The following NR5A1 variants were observed in gnomAD, a reference collection of about 807,000 sequenced individuals.
NR5A1 encodes steroidogenic factor 1.
Under a neutral mutation model 42.7 loss-of-function variants are expected in NR5A1, and 6 were observed. The observed-to-expected ratio is 0.14, with a 90% CI of 0.08 to 0.28. NR5A1 has a LOEUF of 0.28. Ranked by LOEUF, NR5A1 falls within the 10% of genes least tolerant of loss-of-function variation. NR5A1 has a pLI of 1.00. For missense variants in NR5A1, 442 were observed against 626.4 expected (o/e 0.71, Z 3.14); for synonymous variants, 274 against 277.5 (o/e 0.99, Z 0.12).
chr9:124,488,597 T>C (rs1276548242), intron 6 of NR5A1, among the ~76,000 whole-genome samples: 1 of 152,238 alleles, frequency 6.6e-6, no homozygotes, highest in African/African-American at 2.4e-5. Context: ...TGATTATGAT[T>C]AAAACAATTC....
In NR5A1 at chr9:124,503,488, T is replaced by A; in HGVS notation, c.-15-78A>T. The A allele has an allele frequency of 8.2e-7, 1 of 1,220,002 alleles. No individual in the cohort carries two copies. The highest frequency in any genetic ancestry group is 1.1e-6 in the Non-Finnish European group (1 of 881,296). 75.6% of individuals were successfully genotyped at this position (1,220,002 alleles called of 1,614,324 possible). On this transcript the variant is annotated intron_variant, in intron 1 of 6. Coordinates refer to ENST00000373588, the MANE Select transcript of NR5A1 (RefSeq NM_004959.5). The surrounding 1 kb of genome is among the most constrained non-coding windows in gnomAD (Gnocchi z 9.6). ...TCCCCGCGGCCGCCGCCCCAGCCGC[T>A]GTCGCCGGCCCGTCGCGTAATCCCC...
chr9:124,505,069 C>G (rs965609120), intron 1 of NR5A1, among the ~76,000 whole-genome samples: 5 of 152,004 alleles, frequency 3.3e-5, no homozygotes, highest in African/African-American at 1.2e-4. Context: ...GTCCTCCCCC[C>G]AAGCCCGGCC....
At chr9:124,492,065 C>T (rs1176265345) in intron 5 of NR5A1, among the ~76,000 whole-genome samples, 1 of 152,134 alleles carries the variant, frequency 6.6e-6, no homozygotes, top group Non-Finnish European at 1.5e-5. Context: ...GCCTGTGACA[C>T]CGAGGAGAGA....
chr9:124,486,529 G>A (rs1268900171), intron 6 of NR5A1, among the ~76,000 whole-genome samples: 1 of 152,204 alleles, frequency 6.6e-6, no homozygotes, highest in African/African-American at 2.4e-5. Flanking sequence ...TGGGATGCAT[G>A]TTCCTGTGGG....
chr9:124,495,619 C>T (rs962227146), intron 4 of NR5A1, among the ~76,000 whole-genome samples: 2 of 152,130 alleles, frequency 1.3e-5, no homozygotes, highest in African/African-American at 4.8e-5. Flanking sequence ...CCAGGCTTGT[C>T]CCCCCGCCCC....
rs887967487 is a variant in NR5A1 at position 124,501,699 on chromosome 9, G to A, written c.245-984C>T. ...CAACAGCCAGCTATCTGGCCCCTTG[G>A]GACCTGGCACTAGGGGCATGGGCTC... On this transcript the variant is annotated intron_variant, in intron 3 of 6. Transcript: ENST00000373588. The surrounding 1 kb of genome is among the most constrained non-coding windows in gnomAD (Gnocchi z 4.1). Among the ~76,000 whole-genome samples the A allele has an allele frequency of 1.3e-5, 2 of 152,194 alleles. No individual in the cohort carries two copies. The highest frequency in any genetic ancestry group is 2.9e-5 in the Non-Finnish European group (2 of 68,036).
At chr9:124,489,408 C>T (rs1832269147) in intron 6 of NR5A1, among the ~76,000 whole-genome samples, 1 of 152,256 alleles carries the variant, frequency 6.6e-6, no homozygotes, top group South Asian at 2.1e-4. Flanking sequence ...ATCTCCCGGT[C>T]CATCCCCAGT....
intron 6 of NR5A1, among the ~76,000 whole-genome samples, chr9:124,487,106 G>C (rs993989756): frequency 6.6e-6 from 1 of 152,228 alleles, no homozygotes; most frequent in African/African-American, 2.4e-5. Context: ...GTGGAGGTCG[G>C]AGGGAGCTGG....
In NR5A1 at chr9:124,490,977, G is replaced by A. The variant is rs546331732; in HGVS notation, c.1138+104C>T. ...GGTCCTTTCTCCCCGAGGCTCCTTC[G>A]TGGCCACTCTGGCCACAGCAGGGCT... On this transcript the variant is annotated intron_variant, in intron 6 of 6. Transcript: ENST00000373588. The A allele has an allele frequency of 2.6e-5, 37 of 1,442,150 alleles. No homozygotes were observed. The African/African-American group carries it at 2.8e-4, about 11-fold the overall frequency. 89.3% of individuals were successfully genotyped at this position (1,442,150 alleles called of 1,614,324 possible). A position where few individuals can be genotyped will look rare whatever the true frequency, so the allele number is the denominator to read the frequency against.
intron 5 of NR5A1, among the ~76,000 whole-genome samples, chr9:124,492,043 C>T (rs1397277702): frequency 1.3e-5 from 2 of 152,182 alleles, no homozygotes; most frequent in Non-Finnish European, 2.9e-5. Context: ...GTCCCGTCCT[C>T]CTGCCCCGAT....
intron 6 of NR5A1, among the ~76,000 whole-genome samples, chr9:124,484,130 ACAC>A: frequency 6.6e-6 from 1 of 152,318 alleles, no homozygotes; most frequent in South Asian, 2.1e-4. Context: ...GGTTTACTGA[ACAC>A]CATGCTGAAA....
chr9:124,485,484 G>T lies in NR5A1; in HGVS notation c.1139-2479C>A, dbSNP rs10733670. ...GTCCAAAGTCGGATTTAGGGAAACC[G>T]GAGCTGGGCCCGGGGGTGGACGGCA... is the stretch of plus-strand genomic sequence containing the variant. On this transcript the variant is annotated intron_variant, in intron 6 of 6. Coordinates refer to ENST00000373588, the MANE Select transcript of NR5A1 (RefSeq NM_004959.5). Among the ~76,000 whole-genome samples, 11 of 152,268 alleles carry T rather than the reference G, an allele frequency of 7.2e-5. No homozygotes were observed. In the South Asian group the frequency reaches 1.2e-3, roughly 17 times the overall value.
chr9:124,502,309 T>A (rs1412893283), intron 3 of NR5A1, among the ~76,000 whole-genome samples: 1 of 152,152 alleles, frequency 6.6e-6, no homozygotes, highest in African/African-American at 2.4e-5. Context: ...TCTTTCTGCC[T>A]TTTCTTTTCT....
chr9:124,487,673 G>C (rs1832239674), intron 6 of NR5A1, among the ~76,000 whole-genome samples: 1 of 152,214 alleles, frequency 6.6e-6, no homozygotes, highest in South Asian at 2.1e-4. Context: ...TGGCCAGGCT[G>C]TCCGGCCCAG....
At chr9:124,490,286 G>A (rs930790657) in intron 6 of NR5A1, among the ~76,000 whole-genome samples, 2 of 152,238 alleles carry the variant, frequency 1.3e-5, no homozygotes, top group South Asian at 2.1e-4. Context: ...CACCCAGGCT[G>A]TAGGTCTTTT....
rs933614782 is a variant in NR5A1, at chr9:124,503,281, G to A, written c.102+13C>T. The A allele has an allele frequency of 5.6e-6, 9 of 1,607,748 alleles. No individual in the cohort carries two copies. Among genetic ancestry groups the A allele is most frequent in the South Asian group, 2.2e-5 (2 of 90,100 alleles). On this transcript the variant is annotated intron_variant, in intron 2 of 6. Transcript: ENST00000373588. The surrounding 1 kb of genome is among the most constrained non-coding windows in gnomAD (Gnocchi z 9.6). ...CCCGTCTGCCGCACCCCTGCCGCGC[G>A]CTCGCCGCTCACCTTGCAGCTCTCA... is the stretch of plus-strand genomic sequence containing the variant.
chr9:124,484,189 C>T (rs547782316), intron 6 of NR5A1, among the ~76,000 whole-genome samples: 10 of 152,222 alleles, frequency 6.6e-5, no homozygotes, highest in South Asian at 4.2e-4. Flanking sequence ...ATGCTTTCTG[C>T]GGAATGCATG....
intron 6 of NR5A1, 125 bp from the exon 7 acceptor site, chr9:124,483,130 C>T (rs539792204): frequency 1.3e-6 from 2 of 1,592,520 alleles, no homozygotes; most frequent in Non-Finnish European, 1.7e-6. Flanking sequence ...GGCATTGCTG[C>T]CACCAACCAT....
chr9:124,503,396 G>A lies in NR5A1; in HGVS notation c.-1C>T. ...GGTCCTCGTCGTACGAATAGTCCATGCCCGCGGCGTCCGCCTGCGGAGGGA... is the reference window on the plus strand; with the variant it reads ...GGTCCTCGTCGTACGAATAGTCCATACCCGCGGCGTCCGCCTGCGGAGGGA... On this transcript the variant is annotated 5_prime_UTR_variant, in exon 2 of 7. Coordinates refer to ENST00000373588, the MANE Select transcript of NR5A1 (RefSeq NM_004959.5). This position sits in a 1 kb window ranked among gnomAD's most constrained non-coding sequence, Gnocchi z 9.6. 1 of 1,607,294 alleles carries A rather than the reference G, an allele frequency of 6.2e-7. No homozygotes were observed. Among genetic ancestry groups the A allele is most frequent in the East Asian group, 2.2e-5 (1 of 44,656 alleles).
Sources: gnomAD v4.1 joint callset for allele counts (sites outside exome capture counted in the v4.1 genomes callset) on GRCh38, gnomAD v4.1.1 for gene constraint, Gnocchi (gnomAD v3.1) non-coding constraint, MANE v1.5 for transcripts, NCBI Gene and HGNC (gene_info 2026-07-23, HGNC 2026-07-21) for gene names.